The following AKAP3 variants were observed in gnomAD, a reference collection of about 807,000 sequenced individuals.
AKAP3 encodes A-kinase anchor protein 3.
Under a neutral mutation model 57.2 loss-of-function variants are expected in AKAP3, and 27 were observed. The observed-to-expected ratio is 0.47, with a 90% CI of 0.35 to 0.65. AKAP3 has a LOEUF of 0.65. Among genes scored for constraint, AKAP3 ranks in the 30% least tolerant of loss-of-function variants. AKAP3 has a pLI of 0.01. For synonymous variants in AKAP3, 334 were observed against 392.3 expected, an observed-to-expected ratio of 0.85 and a Z score of 1.76; for missense variants, 959 against 1,040.0, an observed-to-expected ratio of 0.92 and a Z score of 1.07.
intron 5 of AKAP3, 99 bp downstream of exon 5, chr12:4,626,397 C>T (rs764791690): frequency 1.4e-5 from 19 of 1,372,914 alleles, no homozygotes; most frequent in Non-Finnish European, 1.9e-5. Context: ...CCCATTTTAC[C>T]TTCTCTGTGG....
At chr12:4,623,405 C>T (rs1490097185) in intron 5 of AKAP3, among the ~76,000 whole-genome samples, 2 of 152,336 alleles carry the variant, frequency 1.3e-5, no homozygotes, top group East Asian at 1.9e-4. Context: ...GGTACATATA[C>T]ACCATGGAAT....
In AKAP3 at chr12:4,627,515, T is replaced by C; in HGVS notation, c.1387A>G (p.Lys463Glu). 1 of 1,614,188 alleles carries C rather than the reference T, an allele frequency of 6.2e-7. No homozygotes were observed. The change falls in exon 5 of 6, where the codon AAA becomes GAA. Residue 463 changes from lysine to glutamate, a missense_variant. Physicochemically the swap from Lys to Glu is moderately conservative, Grantham distance 56. Transcript: ENST00000228850. ...IIKEGLTLWH[K>E]TQQKECKSLG... ...GATTTACATTCTTTCTGCTGAGTTTTATGCCACAAGGTAAGCCCCTCTTTG... is the reference window on the plus strand; with the variant it reads ...GATTTACATTCTTTCTGCTGAGTTTCATGCCACAAGGTAAGCCCCTCTTTG...
rs773079299 is a variant in AKAP3, at chr12:4,627,165, T to C, written c.1737A>G (p.Val579=). ...DESCLKSAPI[V]GDQEQAEKKD... Reference sequence around the variant, plus strand: ...TCTTTTCTGCTTGTTCTTGGTCACCTACAATGGGAGCAGACTTAAGGCAAG... The same window carrying C: ...TCTTTTCTGCTTGTTCTTGGTCACCCACAATGGGAGCAGACTTAAGGCAAG... Residue 579 remains valine, a synonymous_variant, in exon 5 of 6, where the codon GTA becomes GTG. Transcript: ENST00000228850. 9 of 1,613,984 alleles carry C rather than the reference T, an allele frequency of 5.6e-6. No individual in the cohort carries two copies. The highest frequency in any genetic ancestry group is 7.6e-6 in the Non-Finnish European group (9 of 1,180,030).
At position 4,628,405 on chromosome 12, in the gene AKAP3, G is replaced by A; in HGVS notation, c.497C>T (p.Thr166Ile). Reference protein sequence around the residue: ...YQSLYMGNEPTPTKSLSKIAS... With the variant: ...YQSLYMGNEPIPTKSLSKIAS... ...TATCTTACTGAGGCTTTTGGTGGGTGTGGGTTCATTCCCCATGTACAATGA... is the reference window on the plus strand; with the variant it reads ...TATCTTACTGAGGCTTTTGGTGGGTATGGGTTCATTCCCCATGTACAATGA... Residue 166 changes from threonine (T) to isoleucine (I), a missense_variant, in exon 5 of 6, where the codon ACA becomes ATA. Coordinates refer to ENST00000228850, the MANE Select transcript of AKAP3 (RefSeq NM_001278309.2). The A allele has an allele frequency of 6.2e-7, 1 of 1,614,164 alleles. No homozygotes were observed. The highest frequency in any genetic ancestry group is 8.5e-7 in the Non-Finnish European group (1 of 1,180,022).
At chr12:4,644,683 G>A (rs1945677502) in intron 2 of AKAP3, among the ~76,000 whole-genome samples, 1 of 152,230 alleles carries the variant, frequency 6.6e-6, no homozygotes. Flanking sequence ...AGGCCGAAGT[G>A]GAGGGGATCA....
In AKAP3 at chr12:4,625,038, TC is replaced by T. The variant is rs1427398644; in HGVS notation, c.2406+1457del. Among the ~76,000 whole-genome samples the T allele has an allele frequency of 6.6e-6, 1 of 151,884 alleles. No individual in the cohort carries two copies. Among genetic ancestry groups the T allele is most frequent in the East Asian group, 2.0e-4 (1 of 5,126 alleles). On this transcript the variant is annotated intron_variant, in intron 5 of 5. Coordinates refer to ENST00000228850, the MANE Select transcript of AKAP3 (RefSeq NM_001278309.2). The surrounding 1 kb of genome is among the most constrained non-coding windows in gnomAD (Gnocchi z 5.4). ...AGCTATGCTTACTTTTAGATTTTTT[TC>T]ATCAGTTTAAATTTTCTTCAGCATA...
intron 5 of AKAP3, among the ~76,000 whole-genome samples, chr12:4,618,745 G>A (rs1565547679): frequency 6.6e-6 from 1 of 152,192 alleles, no homozygotes; most frequent in Non-Finnish European, 1.5e-5. Flanking sequence ...ATTGCTCCTG[G>A]TTGAGAACCA....
In AKAP3 at chr12:4,626,751, G is replaced by A; in HGVS notation, c.2151C>T (p.Cys717=). 1 of 1,613,556 alleles carries A rather than the reference G, an allele frequency of 6.2e-7. No individual in the cohort carries two copies. The highest frequency in any genetic ancestry group is 8.5e-7 in the Non-Finnish European group (1 of 1,179,986). Residue 717 remains cysteine (C), a synonymous_variant, in exon 5 of 6, where the codon TGC becomes TGT. Transcript: ENST00000228850. ...CTGACCCTGTGCCCTTGGCTGGTAA[G>A]CACTCATATAAACTATCTGGGAAGG... ...TSAFPDSLYE[C]LPAKGTGSAE...
At chr12:4,643,211 G>T (rs7298334) in intron 2 of AKAP3, among the ~76,000 whole-genome samples, 149,357 of 152,312 alleles carry the variant, frequency 0.98, 73,306 homozygotes, top group Middle Eastern at 1. Context: ...AGTGGGTTTA[G>T]CTGCATCATG....
In AKAP3 at chr12:4,627,137, CCTT is replaced by C; in HGVS notation, c.1762_1764del (p.Lys588del). Reference sequence around the variant, plus strand: ...AAATTAAAGAAAACACTCCTTAGGTCCTTCTTTTCTGCTTGTTCTTGGTCACCT... The same window carrying C: ...AAATTAAAGAAAACACTCCTTAGGTCCTTTTCTGCTTGTTCTTGGTCACCT... On this transcript the variant is annotated inframe_deletion, in exon 5 of 6. Coordinates refer to ENST00000228850, the MANE Select transcript of AKAP3 (RefSeq NM_001278309.2). 1 of 1,614,136 alleles carries C rather than the reference CCTT, an allele frequency of 6.2e-7. No individual in the cohort carries two copies. The highest frequency in any genetic ancestry group is 8.5e-7 in the Non-Finnish European group (1 of 1,180,040).
rs762982154 is a variant in AKAP3 at position 4,628,821 on chromosome 12, G to A, written c.97-16C>T. 5 of 1,587,542 alleles carry A rather than the reference G, an allele frequency of 3.1e-6. No individual in the cohort carries two copies. The African/African-American group carries it at 4.1e-5, about 13-fold the overall frequency. The stretch of plus-strand genomic sequence containing the variant: ...TGGAGGTGTCCTTAAAAATAGACAA[G>A]GATTCATCTGACTATAACAAAGTAA... On this transcript the variant is annotated splice_polypyrimidine_tract_variant and intron_variant, in intron 4 of 5. Coordinates refer to ENST00000228850, the MANE Select transcript of AKAP3 (RefSeq NM_001278309.2).
At chr12:4,639,379 ATTT>A (rs1018101842) in intron 3 of AKAP3, among the ~76,000 whole-genome samples, 6 of 150,568 alleles carry the variant, frequency 4.0e-5, no homozygotes, top group Non-Finnish European at 8.9e-5. Context: ...GCGTTAAAAA[ATTT>A]TTTTCTTTTG....
Position 4,628,233 on chromosome 12 carries a change from G to T in AKAP3, c.669C>A (p.Ser223Arg), listed in dbSNP as rs1945450285. The change falls in exon 5 of 6, where the codon AGC (serine) becomes AGA (arginine). Residue 223 changes from serine to arginine, a missense_variant. Transcript: ENST00000228850. ...KYKSTLKIKE[S>R]TKERQGPDDK... ...CATCTGGACCCTGTCTTTCTTTGGTGCTCTCCTTGATCTTCAAAGTGGACT... is the reference window on the plus strand; with the variant it reads ...CATCTGGACCCTGTCTTTCTTTGGTTCTCTCCTTGATCTTCAAAGTGGACT... 6.2e-6 allele frequency: 10 copies of T among 1,614,086 alleles called. No homozygotes were observed. The highest frequency in any genetic ancestry group is 8.5e-6 in the Non-Finnish European group (10 of 1,179,976).
chr12:4,646,657 G>A (rs529503681), intron 1 of AKAP3, among the ~76,000 whole-genome samples: 1 of 151,640 alleles, frequency 6.6e-6, no homozygotes, highest in African/African-American at 2.4e-5. Flanking sequence ...GGGTGACAGA[G>A]TGAGACTTGA....
At chr12:4,624,333 G>A (rs1945383942) in intron 5 of AKAP3, among the ~76,000 whole-genome samples, 1 of 142,092 alleles carries the variant, frequency 7.0e-6, no homozygotes, top group Non-Finnish European at 1.5e-5. Flanking sequence ...GTGTGTGTGT[G>A]TGTGTGTGTG....
Position 4,627,646 on chromosome 12 carries a change from T to C in AKAP3, c.1256A>G (p.Asn419Ser). Residue 419 changes from asparagine (N) to serine (S), a missense_variant, in exon 5 of 6, where the codon AAT becomes AGT. Physicochemically the swap from Asn to Ser is conservative, Grantham distance 46. Transcript: ENST00000228850. ...TTCAGATTTCATGGCAAAGTTCACA[T>C]TTCGGTTTTTAGGATCACCCATTCC... ...MKGMGDPKNR[N>S]VNFAMKSETK... 6.2e-7 allele frequency: 1 copy of C among 1,614,054 alleles called. No homozygotes were observed. The highest frequency in any genetic ancestry group is 1.1e-5 in the South Asian group (1 of 91,074).
rs1591540016 is a variant in AKAP3, at chr12:4,648,793, T to C, written c.-293A>G. ...TTTTCAGGGAACAGGAAACTGAGAGTCAGGAAAGGTGAGCTCTTCTACCTC... is the reference window on the plus strand; with the variant it reads ...TTTTCAGGGAACAGGAAACTGAGAGCCAGGAAAGGTGAGCTCTTCTACCTC... On this transcript the variant is annotated 5_prime_UTR_variant, in exon 1 of 6. An upstream open reading frame in the 5' UTR loses its in-frame stop. Transcript: ENST00000228850. The C allele has an allele frequency of 1.5e-5, 4 of 259,166 alleles. No individual in the cohort carries two copies. The highest frequency in any genetic ancestry group is 2.9e-5 in the Non-Finnish European group (4 of 136,484). 16.1% of individuals were successfully genotyped at this position (259,166 alleles called of 1,614,324 possible). A position where few individuals can be genotyped will look rare whatever the true frequency, so the allele number is the denominator to read the frequency against.
At chr12:4,623,814 A>G (rs1945373287) in intron 5 of AKAP3, among the ~76,000 whole-genome samples, 1 of 152,240 alleles carries the variant, frequency 6.6e-6, no homozygotes, top group Non-Finnish European at 1.5e-5. Flanking sequence ...GGAAATTCAA[A>G]TGGTCTTATA....
In AKAP3 at chr12:4,626,689, T is replaced by C. The variant is rs1419725701; in HGVS notation, c.2213A>G (p.His738Arg). The stretch of plus-strand genomic sequence containing the variant: ...TCCTGATGTGCCTCTCATTTCATTA[T>C]GGATAGCTTGATAGGCATTCTGCAG... The part of the protein sequence containing the change: ...AVLQNAYQAI[H>R]NEMRGTSGQP... Residue 738 changes from histidine (H) to arginine (R), a missense_variant, in exon 5 of 6, where the codon CAT (histidine) becomes CGT (arginine). Transcript: ENST00000228850. The C allele has an allele frequency of 1.2e-6, 2 of 1,614,252 alleles. No individual in the cohort carries two copies. Among genetic ancestry groups the C allele is most frequent in the East Asian group, 4.5e-5 (2 of 44,886 alleles).
Sources: allele counts gnomAD v4.1 joint callset (sites outside exome capture counted in the v4.1 genomes callset), GRCh38; gene constraint gnomAD v4.1.1; non-coding constraint Gnocchi (gnomAD v3.1); transcripts MANE v1.5; gene names NCBI Gene and HGNC (gene_info 2026-07-23, HGNC 2026-07-21).